The following ATP8A2 variants were observed in gnomAD, a reference collection of about 807,000 sequenced individuals.
ATP8A2 encodes the protein phospholipid-transporting ATPase IB.
ATP8A2 carries 100 observed loss-of-function variants against 165.6 expected under a neutral mutation model. That is an observed-to-expected ratio of 0.60 (90% CI 0.51 to 0.71). The LOEUF is 0.71. Among genes scored for constraint, ATP8A2 ranks in the 30% least tolerant of loss-of-function variants. The pLI is 0.00. For synonymous variants in ATP8A2, 543 were observed against 548.8 expected (o/e 0.99, Z 0.15); for missense variants, 1,227 against 1,479.5 (o/e 0.83, Z 2.80).
intron 1 of ATP8A2, among the ~76,000 whole-genome samples, chr13:25,381,793 G>C (rs1170386664): frequency 1.3e-5 from 2 of 152,160 alleles, no homozygotes; most frequent in African/African-American, 4.8e-5. Context: ...CAGGGTAGGA[G>C]AGCTAGTCCA....
chr13:25,833,199 A>T (rs1369466333), intron 28 of ATP8A2, among the ~76,000 whole-genome samples: 2 of 152,054 alleles, frequency 1.3e-5, no homozygotes, highest in African/African-American at 4.8e-5. Flanking sequence ...TAAAAGTCTT[A>T]TTGAACAAAT....
chr13:26,019,809 A>G, intron 36 of ATP8A2, 79 bp from the exon 37 acceptor site: 1 of 1,065,048 alleles, frequency 9.4e-7, no homozygotes, highest in Non-Finnish European at 1.5e-6. Context: ...CGCTGCCAAA[A>G]AAAAGCAGCT....
chr13:25,394,621 G>A (rs758216750), intron 1 of ATP8A2, among the ~76,000 whole-genome samples: 3 of 152,134 alleles, frequency 2.0e-5, no homozygotes, highest in Non-Finnish European at 4.4e-5. Flanking sequence ...CCTGTGAAGG[G>A]GACCATAATA....
intron 33 of ATP8A2, among the ~76,000 whole-genome samples, chr13:25,933,989 G>GA (rs1954825692): frequency 6.6e-6 from 1 of 152,146 alleles, no homozygotes; most frequent in South Asian, 2.1e-4. Flanking sequence ...TACCATGCAG[G>GA]CCCCTCCTAG....
intron 34 of ATP8A2, among the ~76,000 whole-genome samples, chr13:25,968,335 C>T (rs948740444): frequency 5.9e-5 from 9 of 152,214 alleles, no homozygotes; most frequent in East Asian, 1.9e-4. Flanking sequence ...CGGTTCTTTG[C>T]GGGGTGGGGG....
intron 9 of ATP8A2, among the ~76,000 whole-genome samples, 188 bp from the exon 10 acceptor site, chr13:25,543,103 A>G (rs1374165576): frequency 6.6e-6 from 1 of 152,162 alleles, no homozygotes; most frequent in Non-Finnish European, 1.5e-5. Context: ...ATGTAAAATA[A>G]AGCTTTCTGT....
intron 24 of ATP8A2, among the ~76,000 whole-genome samples, chr13:25,675,651 A>G (rs986990272): frequency 3.9e-5 from 6 of 152,208 alleles, no homozygotes; most frequent in Non-Finnish European, 5.9e-5. Context: ...TCATGTAAAC[A>G]TGTTCTGGAA....
intron 10 of ATP8A2, among the ~76,000 whole-genome samples, chr13:25,549,588 G>C (rs188021176): frequency 1.3e-5 from 2 of 151,868 alleles, no homozygotes; most frequent in African/African-American, 4.8e-5. Context: ...TCACCCCCAG[G>C]AATGGATTAT....
intron 24 of ATP8A2, among the ~76,000 whole-genome samples, chr13:25,691,600 C>G (rs1415931954): frequency 6.6e-6 from 1 of 152,216 alleles, no homozygotes; most frequent in East Asian, 1.9e-4. Context: ...AGAAGCCAAA[C>G]ATCTCTTGAA....
At chr13:25,977,653 A>G (rs974422185) in intron 35 of ATP8A2, among the ~76,000 whole-genome samples, 2 of 152,010 alleles carry the variant, frequency 1.3e-5, no homozygotes, top group Admixed American at 6.6e-5. Flanking sequence ...TGTTGTTGTT[A>G]TTGTTCTTAT....
At chr13:25,933,488 A>T (rs3783127) in intron 33 of ATP8A2, among the ~76,000 whole-genome samples, 68,628 of 152,110 alleles carry the variant, frequency 0.45, 17,112 homozygotes, top group East Asian at 0.7. Context: ...TTCTTTTTAA[A>T]TTCATGTTAA....
intron 19 of ATP8A2, among the ~76,000 whole-genome samples, chr13:25,575,130 A>C (rs2039580479): frequency 6.6e-6 from 1 of 152,060 alleles, no homozygotes; most frequent in Non-Finnish European, 1.5e-5. Flanking sequence ...TTCTTGCATC[A>C]GCAGCTGCAG....
At chr13:25,881,529 T>G (rs1211905387) in intron 33 of ATP8A2, among the ~76,000 whole-genome samples, 1 of 152,072 alleles carries the variant, frequency 6.6e-6, no homozygotes, top group Non-Finnish European at 1.5e-5. Context: ...TATTTTTTAA[T>G]GTTCGTTATG....
chr13:25,478,212 G>A (rs1266489963), intron 2 of ATP8A2, among the ~76,000 whole-genome samples: 2 of 151,912 alleles, frequency 1.3e-5, no homozygotes, highest in African/African-American at 4.8e-5. Flanking sequence ...ACAGCACCAA[G>A]GGTTTGTTTG....
rs148965283 is a variant in ATP8A2, at chr13:25,772,524, C to T, written c.2569-2325C>T. On this transcript the variant is annotated intron_variant, in intron 26 of 36. Transcript: ENST00000381655. ...TGCACCTACTTCTGCCACTTCGAAG[C>T]GATGATTTAGATTCCGAATGCGTGG... is the stretch of plus-strand genomic sequence containing the variant. 8.5e-5 allele frequency among the ~76,000 whole-genome samples: 13 copies of T among 152,082 alleles called. No individual in the cohort carries two copies. The East Asian group carries it at 2.1e-3, about 25-fold the overall frequency.
intron 24 of ATP8A2, among the ~76,000 whole-genome samples, chr13:25,663,133 G>A (rs1043924021): frequency 5.3e-5 from 8 of 152,174 alleles, no homozygotes; most frequent in Non-Finnish European, 7.4e-5. Context: ...TAACTATCTT[G>A]GCCCAGATCA....
At chr13:25,563,041 C>T (rs2039205925) in intron 15 of ATP8A2, among the ~76,000 whole-genome samples, 2 of 152,312 alleles carry the variant, frequency 1.3e-5, no homozygotes, top group Admixed American at 1.3e-4. Flanking sequence ...TGTGCTGTTA[C>T]GTATTTCAAG....
chr13:25,889,350 A>T (rs1953280996), intron 33 of ATP8A2, among the ~76,000 whole-genome samples: 1 of 150,720 alleles, frequency 6.6e-6, no homozygotes, highest in African/African-American at 2.4e-5. Flanking sequence ...CCCTAGGTGA[A>T]GGTTTGTATT....
At position 26,022,527 on chromosome 13, in the gene ATP8A2, A is replaced by G. The variant is rs897989901; in HGVS notation, c.*2542A>G. On this transcript the variant is annotated 3_prime_UTR_variant, in exon 37 of 37. Transcript: ENST00000381655. Reference sequence around the variant, plus strand: ...TGCAGTGATGACAGACGCACACAGAAGAAAACATTAGAAGAGATGCCTTTC... The same window carrying G: ...TGCAGTGATGACAGACGCACACAGAGGAAAACATTAGAAGAGATGCCTTTC... 1 of 152,240 alleles carries G rather than the reference A, an allele frequency of 6.6e-6. No homozygotes were observed. Among genetic ancestry groups the G allele is most frequent in the Non-Finnish European group, 1.5e-5 (1 of 68,046 alleles). 9.4% of individuals were successfully genotyped at this position (152,240 alleles called of 1,614,324 possible). A position where few individuals can be genotyped will look rare whatever the true frequency, so the allele number is the denominator to read the frequency against.
Sources: gnomAD v4.1 joint callset for allele counts (sites outside exome capture counted in the v4.1 genomes callset) on GRCh38, gnomAD v4.1.1 for gene constraint, MANE v1.5 for transcripts, NCBI Gene and HGNC (gene_info 2026-07-23, HGNC 2026-07-21) for gene names.